TNNI3K: variants seen among roughly 807,000 people sequenced by gnomAD.
The protein encoded by TNNI3K is TNNI3 interacting kinase, also known as serine/threonine-protein kinase TNNI3K.
TNNI3K carries 140 observed loss-of-function variants against 114.5 expected under a neutral mutation model. The ratio of observed to expected loss-of-function variants is 1.22; its 90% CI spans 1.07 to 1.41. The LOEUF (loss-of-function observed/expected upper bound fraction) is 1.41, where lower values mean the gene tolerates loss of function less well. Ranked by LOEUF, TNNI3K falls within the 40% of genes most tolerant of loss-of-function variation. The probability of loss-of-function intolerance (pLI) is 0.00; values close to 1 mark genes in which losing one functional copy is unlikely to be tolerated. For missense variants in TNNI3K, 1,125 were observed against 1,007.6 expected, an observed-to-expected ratio of 1.12 and a Z score of -1.58; for synonymous variants, 347 against 347.5, an observed-to-expected ratio of 1.00 and a Z score of 0.02.
chr1:74,395,243 A>G (rs980368488), intron 17 of TNNI3K, among the ~76,000 whole-genome samples: 4 of 152,066 alleles, frequency 2.6e-5, no homozygotes, highest in Admixed American at 6.6e-5. Flanking sequence ...ACCATCATTA[A>G]AAGTCTCACT....
intron 23 of TNNI3K, among the ~76,000 whole-genome samples, chr1:74,534,618 C>T (rs544681023): frequency 1.3e-5 from 2 of 152,254 alleles, no homozygotes; most frequent in South Asian, 2.1e-4. Flanking sequence ...CATTATTTTT[C>T]GTATTTCTTC....
intron 20 of TNNI3K, among the ~76,000 whole-genome samples, chr1:74,457,830 TTC>T (rs890545958): frequency 1.3e-5 from 2 of 152,154 alleles, no homozygotes; most frequent in African/African-American, 4.8e-5. Flanking sequence ...TGCACAGTCA[TTC>T]TCTCTGCATA....
At chr1:74,497,981 C>CT (rs1453190675) in intron 23 of TNNI3K, among the ~76,000 whole-genome samples, 1 of 151,980 alleles carries the variant, frequency 6.6e-6, no homozygotes, top group African/African-American at 2.4e-5. Flanking sequence ...CTGTGGGAGG[C>CT]TTTTTTGTTT....
chr1:74,416,453 G>A (rs1051789585), intron 17 of TNNI3K: 1 of 964,878 alleles, frequency 1.0e-6, no homozygotes, highest in Non-Finnish European at 1.2e-6. Flanking sequence ...GTGCCTAGAA[G>A]TTATTGGAGT....
intron 5 of TNNI3K, among the ~76,000 whole-genome samples, chr1:74,311,314 A>G (rs1481986689): frequency 3.3e-5 from 5 of 152,080 alleles, no homozygotes. Context: ...TTAATTCAGA[A>G]CTTGTAGGCT....
rs537690023 is a variant in TNNI3K at position 74,301,064 on chromosome 1, GT to G, written c.444+29357del. On this transcript the variant is annotated intron_variant, in intron 5 of 24. Transcript: ENST00000326637. ...AGATTTATCTTAAGGATATGACTAT[GT>G]ATAAAATACATACACATATTTCTCT... Among the ~76,000 whole-genome samples, 80 of 152,276 alleles carry G rather than the reference GT, an allele frequency of 5.3e-4. 5 individuals carry two copies. In the South Asian group the frequency reaches 0.017, roughly 32 times the overall value.
intron 17 of TNNI3K, among the ~76,000 whole-genome samples, chr1:74,422,190 G>A (rs1243756995): frequency 6.6e-6 from 1 of 151,756 alleles, no homozygotes; most frequent in Non-Finnish European, 1.5e-5. Context: ...CACTATTTAA[G>A]AGTGTTCACA....
intron 6 of TNNI3K, among the ~76,000 whole-genome samples, chr1:74,333,399 C>A (rs1213443568): frequency 6.6e-6 from 1 of 152,228 alleles, no homozygotes; most frequent in East Asian, 1.9e-4. Flanking sequence ...ATTTCCTAAC[C>A]TCAGGCACAG....
intron 4 of TNNI3K, among the ~76,000 whole-genome samples, chr1:74,253,930 G>T (rs1211309255): frequency 6.6e-6 from 1 of 152,170 alleles, no homozygotes; most frequent in Non-Finnish European, 1.5e-5. Context: ...ACACTACCAG[G>T]CATTAAACCT....
At chr1:74,406,650 T>C (rs978145741) in intron 17 of TNNI3K, among the ~76,000 whole-genome samples, 2 of 152,218 alleles carry the variant, frequency 1.3e-5, no homozygotes, top group Admixed American at 6.5e-5. Flanking sequence ...GCCTGTAACC[T>C]GAGTTACCTA....
chr1:74,240,972 C>T (rs993521467), intron 2 of TNNI3K: 5 of 152,000 alleles, frequency 3.3e-5, no homozygotes, highest in Admixed American at 1.3e-4. Context: ...TGATGTTCCC[C>T]TTCCTGTGTC....
Position 74,387,259 on chromosome 1 carries a change from G to T in TNNI3K, c.1772+16867G>T, listed in dbSNP as rs116148141. ...CTTCTGGTATGTAAAACCTACCATG[G>T]TGAGAACAAAGAATATACTCTGGGT... On this transcript the variant is annotated intron_variant, in intron 17 of 24. Coordinates refer to ENST00000326637, the MANE Select transcript of TNNI3K (RefSeq NM_015978.3). 8.7e-3 allele frequency among the ~76,000 whole-genome samples: 1,330 copies of T among 152,154 alleles called. 15 individuals are homozygous for T. The highest frequency in any genetic ancestry group is 0.027 in the South Asian group (130 of 4,828).
chr1:74,469,950 G>GT (rs1013140313), intron 21 of TNNI3K: 12 of 400,530 alleles, frequency 3.0e-5, no homozygotes, highest in African/African-American at 2.5e-4. Context: ...TTGGAGCAGA[G>GT]TTTTCAGCTT....
intron 4 of TNNI3K, among the ~76,000 whole-genome samples, chr1:74,259,286 G>T (rs1458571582): frequency 6.6e-6 from 1 of 152,230 alleles, no homozygotes; most frequent in Admixed American, 6.5e-5. Context: ...TTGAGAACCA[G>T]GGGAGCCTAT....
At chr1:74,349,815 A>C (rs1661232337) in intron 9 of TNNI3K, among the ~76,000 whole-genome samples, 1 of 151,964 alleles carries the variant, frequency 6.6e-6, no homozygotes, top group Admixed American at 6.6e-5. Flanking sequence ...ATCGGTGGTG[A>C]TATCCCCTGT....
intron 5 of TNNI3K, among the ~76,000 whole-genome samples, chr1:74,303,306 C>A (rs534907865): frequency 2.2e-4 from 34 of 152,170 alleles, no homozygotes; most frequent in Admixed American, 6.5e-4. Context: ...GATTCTCCTG[C>A]CACCTGCCAC....
intron 23 of TNNI3K, among the ~76,000 whole-genome samples, chr1:74,521,191 G>C (rs938237768): frequency 1.3e-5 from 2 of 152,174 alleles, no homozygotes; most frequent in African/African-American, 2.4e-5. Flanking sequence ...GTTATAAGGA[G>C]CATGTGCTCC....
At chr1:74,529,081 A>G (rs1570746204) in intron 23 of TNNI3K, among the ~76,000 whole-genome samples, 1 of 152,376 alleles carries the variant, frequency 6.6e-6, no homozygotes, top group East Asian at 1.9e-4. Flanking sequence ...AAGTTCATAT[A>G]GATATAAATA....
chr1:74,407,943 G>A (rs1290703286), intron 17 of TNNI3K, among the ~76,000 whole-genome samples: 1 of 152,024 alleles, frequency 6.6e-6, no homozygotes, highest in Non-Finnish European at 1.5e-5. Flanking sequence ...TCCTTTCAAA[G>A]TTCCATAATG....
Sources: allele counts gnomAD v4.1 joint callset (sites outside exome capture counted in the v4.1 genomes callset), GRCh38; gene constraint gnomAD v4.1.1; transcripts MANE v1.5; gene names NCBI Gene and HGNC (gene_info 2026-07-23, HGNC 2026-07-21).